The following ARID1B variants were observed in gnomAD, a reference collection of about 807,000 sequenced individuals.
ARID1B encodes the protein AT-rich interaction domain 1B, also known as AT-rich interactive domain-containing protein 1B.
ARID1B carries 30 observed loss-of-function variants against 212.3 expected under a neutral mutation model. That is an observed-to-expected ratio of 0.14 (90% confidence interval 0.11 to 0.19). The LOEUF is 0.19. Ranked by LOEUF, ARID1B falls within the 10% of genes least tolerant of loss-of-function variation. ARID1B has a pLI of 1.00. For synonymous variants in ARID1B, 1,402 were observed against 1,301.7 expected (o/e 1.08, Z -1.66); for missense variants, 2,891 against 3,204.0 (o/e 0.90, Z 2.36).
intron 4 of ARID1B, among the ~76,000 whole-genome samples, chr6:157,021,454 G>A (rs893312011): frequency 6.6e-6 from 1 of 152,190 alleles, no homozygotes; most frequent in African/African-American, 2.4e-5. Context: ...GCAGCCCGGC[G>A]GCCTCTGCCG....
chr6:157,146,604 T>C (rs1199637576), intron 7 of ARID1B, among the ~76,000 whole-genome samples: 1 of 152,176 alleles, frequency 6.6e-6, no homozygotes, highest in Admixed American at 6.5e-5. Flanking sequence ...CCCTTGCTGC[T>C]TTACTGCACA....
At chr6:157,183,826 C>T (rs979906919) in intron 12 of ARID1B, among the ~76,000 whole-genome samples, 1 of 152,164 alleles carries the variant, frequency 6.6e-6, no homozygotes, top group Non-Finnish European at 1.5e-5. Context: ...TGGGTACGGC[C>T]CAGAATCACA....
intron 7 of ARID1B, among the ~76,000 whole-genome samples, chr6:157,133,502 C>T (rs974932945): frequency 3.3e-5 from 5 of 152,156 alleles, no homozygotes; most frequent in Admixed American, 6.5e-5. Flanking sequence ...TGGTTCTAAA[C>T]GTAGAGAAAA....
At chr6:156,928,346 G>A (rs1791408384) in intron 3 of ARID1B, among the ~76,000 whole-genome samples, 2 of 152,218 alleles carry the variant, frequency 1.3e-5, no homozygotes, top group Admixed American at 1.3e-4. Context: ...TTGGGCTTTG[G>A]TGATGTGTCA....
At chr6:157,116,146 G>A (rs6900678) in intron 6 of ARID1B, among the ~76,000 whole-genome samples, 4,841 of 152,166 alleles carry the variant, frequency 0.032, 248 homozygotes, top group African/African-American at 0.1. Flanking sequence ...GAGGAAATAC[G>A]GAATAGTCAT....
intron 4 of ARID1B, among the ~76,000 whole-genome samples, chr6:156,958,825 A>G (rs1423096842): frequency 1.3e-5 from 2 of 152,338 alleles, no homozygotes; most frequent in East Asian, 3.9e-4. Flanking sequence ...GCAAAGCAAA[A>G]AAAGATGAGG....
chr6:157,105,296 A>T (rs1242321378), intron 5 of ARID1B, among the ~76,000 whole-genome samples: 1 of 152,194 alleles, frequency 6.6e-6, no homozygotes, highest in Non-Finnish European at 1.5e-5. Flanking sequence ...TCCAGAGGCA[A>T]TAAAAATAAA....
intron 1 of ARID1B, among the ~76,000 whole-genome samples, chr6:156,801,416 G>C (rs1238925410): frequency 6.6e-6 from 1 of 151,848 alleles, no homozygotes; most frequent in Non-Finnish European, 1.5e-5. Context: ...GGCTGGGCTG[G>C]TCTTGAAACT....
At chr6:157,081,649 G>A (rs1246753174) in intron 4 of ARID1B, among the ~76,000 whole-genome samples, 2 of 152,150 alleles carry the variant, frequency 1.3e-5, no homozygotes, top group African/African-American at 4.8e-5. Flanking sequence ...TAACAGAAAT[G>A]TTTTTGATGC....
intron 8 of ARID1B, among the ~76,000 whole-genome samples, chr6:157,157,108 G>T (rs1219078033): frequency 6.6e-6 from 1 of 152,018 alleles, no homozygotes; most frequent in Non-Finnish European, 1.5e-5. Flanking sequence ...CTCTTCATTC[G>T]GATATTCCCC....
chr6:157,177,468 C>T (rs979581545), intron 11 of ARID1B, among the ~76,000 whole-genome samples: 1 of 152,230 alleles, frequency 6.6e-6, no homozygotes, highest in African/African-American at 2.4e-5. Context: ...GCCTGTCTAA[C>T]AGCAGGTCTG....
At position 157,184,143 on chromosome 6, in the gene ARID1B, A is replaced by T. The variant is rs1792784448; in HGVS notation, c.3715-88A>T. On this transcript the variant is annotated intron_variant, in intron 12 of 19. Transcript: ENST00000636930. ...TAAAAGAGGCAAATGAAGAAAAGTC[A>T]ACCAAGACATTAAGTGCTTTTTTTG... is the stretch of plus-strand genomic sequence containing the variant. 4 of 1,236,938 alleles carry T rather than the reference A, an allele frequency of 3.2e-6. No homozygotes were observed. The South Asian group carries it at 6.0e-5, about 18-fold the overall frequency. 76.6% of individuals were successfully genotyped at this position (1,236,938 alleles called of 1,614,324 possible). A position where few individuals can be genotyped will look rare whatever the true frequency, so the allele number is the denominator to read the frequency against.
chr6:156,938,581 G>A (rs111632458), intron 4 of ARID1B: 1 of 152,090 alleles, frequency 6.6e-6, no homozygotes, highest in African/African-American at 2.4e-5. Context: ...TAATTATTCT[G>A]TTCATTTTAT....
intron 2 of ARID1B, among the ~76,000 whole-genome samples, chr6:156,854,385 T>A (rs746448251): frequency 1.8e-4 from 27 of 152,202 alleles, no homozygotes; most frequent in Non-Finnish European, 3.2e-4. Flanking sequence ...AAAATTAAGG[T>A]TTCTTATGAC....
chr6:157,159,311 C>A (rs796883643), intron 8 of ARID1B, among the ~76,000 whole-genome samples: 1 of 152,206 alleles, frequency 6.6e-6, no homozygotes, highest in African/African-American at 2.4e-5. Flanking sequence ...TGCTAAAATT[C>A]AAGCAACCAG....
chr6:156,944,945 C>CG (rs1554272406), intron 4 of ARID1B, among the ~76,000 whole-genome samples: 1 of 140,598 alleles, frequency 7.1e-6, no homozygotes, highest in Non-Finnish European at 1.5e-5. Context: ...TTTTTTGAGA[C>CG]GGAGTCTCGC....
intron 2 of ARID1B, among the ~76,000 whole-genome samples, chr6:156,884,452 C>T (rs1054334142): frequency 2.0e-5 from 3 of 152,126 alleles, no homozygotes; most frequent in African/African-American, 7.2e-5. Context: ...CTATTTCATG[C>T]AGGTCTTTGC....
intron 4 of ARID1B, among the ~76,000 whole-genome samples, chr6:157,021,543 T>C (rs562147992): frequency 2.0e-5 from 3 of 152,216 alleles, no homozygotes; most frequent in South Asian, 2.1e-4. Context: ...CGTAGGCTCG[T>C]GGGGGCGGGG....
At chr6:157,000,946 C>T (rs1778879295) in intron 4 of ARID1B, among the ~76,000 whole-genome samples, 1 of 152,036 alleles carries the variant, frequency 6.6e-6, no homozygotes, top group Admixed American at 6.6e-5. Flanking sequence ...CCATCTGCCT[C>T]GGCCTCCAAA....
Sources: gnomAD v4.1 joint callset for allele counts (sites outside exome capture counted in the v4.1 genomes callset) on GRCh38, gnomAD v4.1.1 for gene constraint, MANE v1.5 for transcripts, NCBI Gene and HGNC (gene_info 2026-07-23, HGNC 2026-07-21) for gene names.